Variants in SYTL3 observed in about 807,000 individuals in gnomAD.
SYTL3 encodes synaptotagmin-like protein 3.
SYTL3 carries 88 observed loss-of-function variants against 82.1 expected under a neutral mutation model. The ratio of observed to expected loss-of-function variants is 1.07; its 90% CI spans 0.90 to 1.28. The LOEUF is 1.28. Among genes scored for constraint, SYTL3 ranks in the 50% most tolerant of loss-of-function variants. The probability of loss-of-function intolerance (pLI) is 0.00; values close to 1 mark genes in which losing one functional copy is unlikely to be tolerated. For missense variants in SYTL3, 831 were observed against 757.6 expected, an observed-to-expected ratio of 1.10 and a Z score of -1.14; for synonymous variants, 311 against 289.4, an observed-to-expected ratio of 1.07 and a Z score of -0.76.
intron 6 of SYTL3, among the ~76,000 whole-genome samples, chr6:158,685,989 C>G (rs1779256646): frequency 6.6e-6 from 1 of 152,202 alleles, no homozygotes; most frequent in Non-Finnish European, 1.5e-5. Flanking sequence ...ATCTGCTTCA[C>G]TCAAAAAGTT....
intron 6 of SYTL3, among the ~76,000 whole-genome samples, chr6:158,700,907 C>T (rs1429201237): frequency 4.6e-5 from 7 of 152,222 alleles, no homozygotes; most frequent in African/African-American, 1.2e-4. Context: ...TGAGCCACCG[C>T]ACCTGGCCTG....
At chr6:158,735,037 T>A (rs917419307) in intron 11 of SYTL3, among the ~76,000 whole-genome samples, 3 of 152,154 alleles carry the variant, frequency 2.0e-5, no homozygotes, top group African/African-American at 7.2e-5. Context: ...GAGTCCAGGC[T>A]TTTCACACTA....
chr6:158,736,871 C>T (rs947489048), intron 11 of SYTL3, among the ~76,000 whole-genome samples: 1 of 151,564 alleles, frequency 6.6e-6, no homozygotes, highest in African/African-American at 2.4e-5. Context: ...ATAGTGTTTC[C>T]TGGAGACAGG....
intron 6 of SYTL3, among the ~76,000 whole-genome samples, chr6:158,698,599 A>T (rs1276437758): frequency 6.6e-6 from 1 of 152,220 alleles, no homozygotes. Flanking sequence ...TTTCTTTAGC[A>T]TTTAGAGAAA....
At chr6:158,732,620 C>A (rs752224940) in intron 11 of SYTL3, among the ~76,000 whole-genome samples, 12 of 152,214 alleles carry the variant, frequency 7.9e-5, no homozygotes, top group Non-Finnish European at 4.4e-5. Context: ...CCCTCAAGGG[C>A]CATCCAGCCT....
chr6:158,760,025 C>T (rs1789696069), intron 14 of SYTL3, among the ~76,000 whole-genome samples: 1 of 152,162 alleles, frequency 6.6e-6, no homozygotes, highest in Admixed American at 6.5e-5. Context: ...CCAATACTCT[C>T]CTCCCACCCC....
intron 3 of SYTL3, 84 bp from the exon 4 acceptor site, chr6:158,662,666 G>C (rs909146416): frequency 6.6e-5 from 10 of 152,164 alleles, no homozygotes; most frequent in African/African-American, 2.2e-4. Flanking sequence ...GGTTTGTGTA[G>C]AATATTTTGT....
Position 158,682,937 on chromosome 6 carries a change from A to G in SYTL3, c.342A>G (p.Ile114Met), listed in dbSNP as rs1004460792. 6.2e-7 allele frequency: 1 copy of G among 1,613,458 alleles called. No homozygotes were observed. Among genetic ancestry groups the G allele is most frequent in the Non-Finnish European group, 8.5e-7 (1 of 1,179,394 alleles). ...TVCFEDRNVK[I>M]KTGEWFYEER... ...CTCATTTTTTCAGGAATGTCAAAAT[A>G]AAAACTGGAGAATGGTTCTATGAGG... The change falls in exon 6 of 18, where the codon ATA (isoleucine) becomes ATG (methionine). Residue 114 changes from isoleucine to methionine, a missense_variant. Physicochemically the swap from Ile to Met is conservative, Grantham distance 10 (BLOSUM62 1). Coordinates refer to ENST00000611299, the MANE Select transcript of SYTL3 (RefSeq NM_001242394.2).
intron 13 of SYTL3, among the ~76,000 whole-genome samples, chr6:158,753,066 T>C (rs1235025091): frequency 4.8e-5 from 7 of 145,696 alleles, no homozygotes; most frequent in Admixed American, 4.8e-4. Flanking sequence ...TTTTAAAACA[T>C]TTCTTCTTTT....
intron 6 of SYTL3, among the ~76,000 whole-genome samples, chr6:158,700,936 C>T (rs1359332186): frequency 6.6e-6 from 1 of 152,118 alleles, no homozygotes; most frequent in Non-Finnish European, 1.5e-5. Context: ...ATAAGCACCA[C>T]CTCTTATATG....
chr6:158,747,365 T>A (rs1443510865), intron 12 of SYTL3, among the ~76,000 whole-genome samples: 14 of 134,348 alleles, frequency 1.0e-4, no homozygotes, highest in Non-Finnish European at 2.3e-4. Flanking sequence ...TTAAAATTAA[T>A]TTTTTTTTAA....
At chr6:158,752,687 G>C (rs542216192) in intron 13 of SYTL3, among the ~76,000 whole-genome samples, 2 of 152,332 alleles carry the variant, frequency 1.3e-5, no homozygotes, top group Non-Finnish European at 2.9e-5. Context: ...CAGGGTGAGG[G>C]GGGTAGCCCA....
intron 4 of SYTL3, among the ~76,000 whole-genome samples, 166 bp from the exon 5 acceptor site, chr6:158,665,228 TG>T (rs1193529729): frequency 1.3e-5 from 2 of 152,106 alleles, no homozygotes; most frequent in African/African-American, 4.8e-5. Flanking sequence ...GACTCGACTC[TG>T]AGATGTTGAG....
At chr6:158,745,844 G>C (rs1270334384) in intron 12 of SYTL3, among the ~76,000 whole-genome samples, 186 bp downstream of exon 12, 1 of 151,892 alleles carries the variant, frequency 6.6e-6, no homozygotes, top group Non-Finnish European at 1.5e-5. Flanking sequence ...GACAGAACAA[G>C]TCAGGAAAGT....
At chr6:158,730,626 G>A (rs911339880) in intron 11 of SYTL3, among the ~76,000 whole-genome samples, 1 of 152,118 alleles carries the variant, frequency 6.6e-6, no homozygotes, top group East Asian at 1.9e-4. Context: ...TCTCAGCAAC[G>A]CGGAAAGAAA....
chr6:158,688,900 A>T (rs192544898), intron 6 of SYTL3, among the ~76,000 whole-genome samples: 6 of 152,344 alleles, frequency 3.9e-5, no homozygotes, highest in African/African-American at 1.4e-4. Context: ...GAGTCAGGCT[A>T]ATATATTTAC....
chr6:158,665,367 C>T, intron 4 of SYTL3, 28 bp from the exon 5 acceptor site: 1 of 1,554,354 alleles, frequency 6.4e-7, no homozygotes, highest in East Asian at 2.4e-5. Flanking sequence ...CCATCTAATA[C>T]TATCTTCTTT....
At chr6:158,657,434 A>AAAG (rs1349687728) in intron 2 of SYTL3, among the ~76,000 whole-genome samples, 4 of 121,304 alleles carry the variant, frequency 3.3e-5, no homozygotes, top group East Asian at 3.9e-4. Flanking sequence ...TCAAAAAAAA[A>AAAG]AAAAAAAAAA....
intron 5 of SYTL3, among the ~76,000 whole-genome samples, chr6:158,674,182 TTCTGGCAAGTG>T (rs1196116267): frequency 6.6e-6 from 1 of 152,082 alleles, no homozygotes; most frequent in Admixed American, 6.6e-5. Flanking sequence ...CTCTTTCACA[TTCTGGCAAGTG>T]TCTCTGCCAA....
Sources: gnomAD v4.1 joint callset for allele counts (sites outside exome capture counted in the v4.1 genomes callset) on GRCh38, gnomAD v4.1.1 for gene constraint, MANE v1.5 for transcripts, NCBI Gene and HGNC (gene_info 2026-07-23, HGNC 2026-07-21) for gene names.